TMEM114: variants seen among roughly 807,000 people sequenced by gnomAD.
TMEM114 encodes the protein claudin-26.
TMEM114 carries 6 observed loss-of-function variants against 6.2 expected under a neutral mutation model. That is an observed-to-expected ratio of 0.97 (90% CI 0.53 to 1.91). TMEM114 has a LOEUF of 1.91. Among genes scored for constraint, TMEM114 ranks in the 40% most tolerant of loss-of-function variants. TMEM114 has a pLI of 0.01. For synonymous variants in TMEM114, 104 were observed against 73.0 expected (o/e 1.42, Z -2.16); for missense variants, 218 against 158.3 (o/e 1.38, Z -2.02).
At chr16:8,566,538 T>C (rs1296674227), downstream of TMEM114, among the ~76,000 whole-genome samples, 2 of 149,298 alleles carry the variant, frequency 1.3e-5, no homozygotes, top group East Asian at 3.9e-4. Context: ...ATAGAACAGA[T>C]CAGAATGGAT....
intron 2 of TMEM114, among the ~76,000 whole-genome samples, chr16:8,553,506 G>C (rs192579679): frequency 4.2e-4 from 63 of 151,318 alleles, no homozygotes; most frequent in Middle Eastern, 6.9e-3. Context: ...TTTTTTTTGA[G>C]ACGGAGTCTC....
intron 2 of TMEM114, among the ~76,000 whole-genome samples, chr16:8,560,468 G>A (rs1471089153): frequency 7.2e-5 from 11 of 152,184 alleles, no homozygotes; most frequent in African/African-American, 2.7e-4. Flanking sequence ...AAGTTTGCAT[G>A]CCAGGGTGGC....
At chr16:8,528,674 C>A in the TMEM114 span, among the ~76,000 whole-genome samples, 1 of 152,218 alleles carries the variant, frequency 6.6e-6, no homozygotes, top group African/African-American at 2.4e-5. Context: ...GCATTGTCAG[C>A]TTTCAACATG....
intron 2 of TMEM114, among the ~76,000 whole-genome samples, chr16:8,577,905 C>T (rs1901997679): frequency 6.6e-6 from 1 of 152,140 alleles, no homozygotes; most frequent in African/African-American, 2.4e-5. Context: ...TGAACTCAAT[C>T]CTGAGCGCAT....
At chr16:8,554,091 C>G (rs561079492) in intron 2 of TMEM114, among the ~76,000 whole-genome samples, 1 of 152,272 alleles carries the variant, frequency 6.6e-6, no homozygotes, top group Admixed American at 6.5e-5. Context: ...GTTGCCCAGG[C>G]TGATCTTGAA....
Position 8,590,059 on chromosome 16 carries a change from C to G in TMEM114, c.-221G>C, listed in dbSNP as rs1472038999. 1 of 376,554 alleles carries G rather than the reference C, an allele frequency of 2.7e-6. No homozygotes were observed. The allele number at this position is 376,554 out of a possible 1,614,324, so 23.3% of individuals were successfully genotyped here. A position where few individuals can be genotyped will look rare whatever the true frequency, so the allele number is the denominator to read the frequency against. On this transcript the variant is annotated 5_prime_UTR_variant, in exon 1 of 4. Coordinates refer to ENST00000620492, the MANE Select transcript of TMEM114 (RefSeq NM_001146336.2). ...CTGCACGCGCCCCCCGCTCAGCCGCCGTCCACGTTCCCACCCCTCCAATGC... is the reference window on the plus strand; with the variant it reads ...CTGCACGCGCCCCCCGCTCAGCCGCGGTCCACGTTCCCACCCCTCCAATGC...
intron 2 of TMEM114, among the ~76,000 whole-genome samples, chr16:8,540,645 T>A (rs570245097): frequency 5.3e-5 from 8 of 152,356 alleles, no homozygotes; most frequent in East Asian, 1.9e-4. Context: ...CCAATTTTTA[T>A]TGACCACTCA....
intron 2 of TMEM114, among the ~76,000 whole-genome samples, chr16:8,558,649 G>A (rs778591937): frequency 1.3e-5 from 2 of 152,084 alleles, no homozygotes; most frequent in Non-Finnish European, 2.9e-5. Flanking sequence ...ATTTAGGCAA[G>A]CAACTACAAC....
At chr16:8,584,212 G>T (rs564133483) in intron 2 of TMEM114, among the ~76,000 whole-genome samples, 32 of 152,336 alleles carry the variant, frequency 2.1e-4, no homozygotes, top group African/African-American at 7.7e-4. Flanking sequence ...GAGCTTTTCA[G>T]TTACATGAAC....
At chr16:8,562,921 T>A (rs541562545) in intron 2 of TMEM114, among the ~76,000 whole-genome samples, 6,800 of 140,502 alleles carry the variant, frequency 0.048, 219 homozygotes, top group Non-Finnish European at 0.056. Context: ...AATGAGTAAA[T>A]GAGTGAGTGA....
At chr16:8,560,245 G>T (rs534238788) in intron 2 of TMEM114, among the ~76,000 whole-genome samples, 1 of 151,836 alleles carries the variant, frequency 6.6e-6, no homozygotes, top group East Asian at 1.9e-4. Context: ...CGATCCTCCT[G>T]TCTTGGCCTT....
At chr16:8,528,670 T>A in the TMEM114 span, among the ~76,000 whole-genome samples, 405 of 152,360 alleles carry the variant, frequency 2.7e-3, no homozygotes, top group Non-Finnish European at 4.2e-3. Flanking sequence ...ATCTGCATTG[T>A]CAGCTTTCAA....
intron 2 of TMEM114, among the ~76,000 whole-genome samples, chr16:8,573,592 C>G (rs937803967): frequency 6.6e-6 from 1 of 152,062 alleles, no homozygotes; most frequent in African/African-American, 2.4e-5. Flanking sequence ...TTTATCCATC[C>G]TTCATTTACC....
chr16:8,543,152 A>G (rs1900563637), intron 2 of TMEM114, among the ~76,000 whole-genome samples: 1 of 152,206 alleles, frequency 6.6e-6, no homozygotes. Flanking sequence ...GCCTCATAGC[A>G]AAGAAACTTA....
chr16:8,541,910 C>G (rs866010739), intron 2 of TMEM114, among the ~76,000 whole-genome samples: 1 of 152,236 alleles, frequency 6.6e-6, no homozygotes, highest in Middle Eastern at 3.4e-3. Context: ...GGCTCCAATT[C>G]CCCTGTTCTT....
At chr16:8,562,588 G>C (rs1027211349) in intron 2 of TMEM114, among the ~76,000 whole-genome samples, 4 of 85,528 alleles carry the variant, frequency 4.7e-5, no homozygotes, top group Non-Finnish European at 1.1e-4. Context: ...GAGGAAATAA[G>C]TAAGTGAATG....
At chr16:8,539,559 C>G (rs1900460389) in intron 2 of TMEM114, among the ~76,000 whole-genome samples, 4 of 152,046 alleles carry the variant, frequency 2.6e-5, no homozygotes, top group African/African-American at 9.7e-5. Context: ...TTCCCTTATC[C>G]AAGGAAAATG....
At chr16:8,587,747 G>T (rs1200653797) in intron 2 of TMEM114, among the ~76,000 whole-genome samples, 2 of 152,164 alleles carry the variant, frequency 1.3e-5, no homozygotes, top group African/African-American at 2.4e-5. Flanking sequence ...AGAGACTAAG[G>T]CAGGAAGATT....
At chr16:8,585,390 GTC>G (rs996220019) in intron 2 of TMEM114, among the ~76,000 whole-genome samples, 3 of 152,030 alleles carry the variant, frequency 2.0e-5, no homozygotes, top group Admixed American at 2.0e-4. Flanking sequence ...CACTGAAGTG[GTC>G]TCTCTGTGAG....
Sources: allele counts gnomAD v4.1 joint callset (sites outside exome capture counted in the v4.1 genomes callset), GRCh38; gene constraint gnomAD v4.1.1; transcripts MANE v1.5; gene names NCBI Gene and HGNC (gene_info 2026-07-23, HGNC 2026-07-21).